The following SHTN1 variants were observed in gnomAD, a reference collection of about 807,000 sequenced individuals.
SHTN1 encodes the protein shootin-1.
In SHTN1, 42 loss-of-function variants were observed where a neutral mutation model predicts 83.1. The observed-to-expected ratio is 0.51, with a 90% CI of 0.39 to 0.65. The LOEUF is 0.65. Among genes scored for constraint, SHTN1 ranks in the 30% least tolerant of loss-of-function variants. The pLI, the probability that SHTN1 is intolerant of heterozygous loss-of-function variation, is 0.00. For missense variants in SHTN1, 622 were observed against 737.8 expected, an observed-to-expected ratio of 0.84 and a Z score of 1.82; for synonymous variants, 224 against 247.7, an observed-to-expected ratio of 0.90 and a Z score of 0.90.
chr10:116,938,626 G>C (rs533238719), intron 9 of SHTN1, among the ~76,000 whole-genome samples: 1 of 152,246 alleles, frequency 6.6e-6, no homozygotes, highest in Non-Finnish European at 1.5e-5. Context: ...GTGTCTCCCA[G>C]TCAGGAGGCA....
chr10:117,021,659 C>T (rs1852265919), intron 2 of SHTN1, among the ~76,000 whole-genome samples: 1 of 152,168 alleles, frequency 6.6e-6, no homozygotes, highest in African/African-American at 2.4e-5. Flanking sequence ...AGCAGTTTCA[C>T]TCCTATGTAT....
chr10:117,063,089 A>T (rs1852925798), intron 1 of SHTN1, among the ~76,000 whole-genome samples: 1 of 152,198 alleles, frequency 6.6e-6, no homozygotes. Context: ...TTTGCAATCT[A>T]TGGATTCTTT....
At chr10:117,043,910 TATAAA>T (rs1204107903) in intron 2 of SHTN1, among the ~76,000 whole-genome samples, 5 of 151,958 alleles carry the variant, frequency 3.3e-5, no homozygotes, top group Non-Finnish European at 5.9e-5. Flanking sequence ...GAAAATAAAA[TATAAA>T]ATGAGAATTG....
chr10:117,096,806 AG>A (rs1564958126), intron 1 of SHTN1, among the ~76,000 whole-genome samples: 1 of 152,180 alleles, frequency 6.6e-6, no homozygotes, highest in African/African-American at 2.4e-5. Flanking sequence ...CTGTTTTGGT[AG>A]CCTGACCTGG....
At chr10:117,052,801 C>T (rs541306466) in intron 1 of SHTN1, among the ~76,000 whole-genome samples, 68 of 151,500 alleles carry the variant, frequency 4.5e-4, no homozygotes, top group Admixed American at 4.2e-3. Flanking sequence ...AGGTGGATCA[C>T]GAGGCCAGGA....
At chr10:117,099,092 C>G (rs987434694) in intron 1 of SHTN1, among the ~76,000 whole-genome samples, 4 of 150,702 alleles carry the variant, frequency 2.7e-5, no homozygotes, top group African/African-American at 9.8e-5. Context: ...TTGAATAGAG[C>G]TGGAGGCCAT....
intron 3 of SHTN1, among the ~76,000 whole-genome samples, chr10:116,961,216 T>C (rs999547232): frequency 6.6e-6 from 1 of 152,154 alleles, no homozygotes; most frequent in African/African-American, 2.4e-5. Context: ...TTACTTTTGC[T>C]TCATTTAAGC....
intron 2 of SHTN1, among the ~76,000 whole-genome samples, chr10:116,975,832 CAT>C (rs1382495880): frequency 1.3e-5 from 2 of 152,244 alleles, no homozygotes; most frequent in Admixed American, 6.5e-5. Context: ...TATACAAACA[CAT>C]GTGAATGTTT....
intron 3 of SHTN1, among the ~76,000 whole-genome samples, chr10:116,968,413 T>C (rs1003762565): frequency 6.6e-6 from 1 of 152,258 alleles, no homozygotes; most frequent in Non-Finnish European, 1.5e-5. Context: ...CTTTTCTGTA[T>C]AGTTAAACTG....
At chr10:117,034,271 A>C (rs898192280) in intron 2 of SHTN1, among the ~76,000 whole-genome samples, 2 of 152,156 alleles carry the variant, frequency 1.3e-5, no homozygotes, top group African/African-American at 4.8e-5. Flanking sequence ...CTGTAATCTT[A>C]TATTTGGAGA....
chr10:116,901,308 T>C, intron 16 of SHTN1: 1 of 985,366 alleles, frequency 1.0e-6, no homozygotes, highest in Non-Finnish European at 1.2e-6. Context: ...GTTTTCATTT[T>C]CAGGATAGAG....
intron 13 of SHTN1, among the ~76,000 whole-genome samples, chr10:116,915,014 C>T (rs571877640): frequency 2.4e-4 from 37 of 152,260 alleles, no homozygotes; most frequent in Middle Eastern, 6.8e-3. Flanking sequence ...CTTTATCCCT[C>T]GTGCCTAAAA....
At chr10:117,106,925 G>GT (rs1174657353) in intron 1 of SHTN1, among the ~76,000 whole-genome samples, 3 of 152,036 alleles carry the variant, frequency 2.0e-5, no homozygotes, top group Non-Finnish European at 4.4e-5. Context: ...AAAAATAAGG[G>GT]TATCTATTTT....
At chr10:117,013,931 T>TA (rs1339558433) in intron 2 of SHTN1, among the ~76,000 whole-genome samples, 5 of 147,652 alleles carry the variant, frequency 3.4e-5, no homozygotes, top group Admixed American at 6.7e-5. Flanking sequence ...TATATATATA[T>TA]TTTTTTTCCA....
At chr10:117,108,310 A>G (rs1250121727) in intron 1 of SHTN1, among the ~76,000 whole-genome samples, 1 of 152,100 alleles carries the variant, frequency 6.6e-6, no homozygotes, top group Non-Finnish European at 1.5e-5. Flanking sequence ...ACCAACCCAA[A>G]TGTCCATCAA....
chr10:116,974,161 A>G, intron 2 of SHTN1: 1 of 1,040,788 alleles, frequency 9.6e-7, no homozygotes, highest in Non-Finnish European at 1.2e-6. Flanking sequence ...AATTCTAGGT[A>G]TTGTGTGTTA....
At chr10:116,893,576 G>GCA (rs6144113) in intron 16 of SHTN1, among the ~76,000 whole-genome samples, 12 of 123,592 alleles carry the variant, frequency 9.7e-5, no homozygotes, top group East Asian at 2.4e-4. Flanking sequence ...GCACTCATGT[G>GCA]CACACACACA....
intron 1 of SHTN1, among the ~76,000 whole-genome samples, chr10:117,108,473 C>A (rs373445769): frequency 6.7e-6 from 1 of 148,296 alleles, no homozygotes; most frequent in Admixed American, 6.9e-5. Flanking sequence ...AACCAAACAC[C>A]GCATGTTCTC....
intron 1 of SHTN1, among the ~76,000 whole-genome samples, chr10:116,999,686 G>A (rs1485643543): frequency 2.6e-5 from 4 of 152,156 alleles, no homozygotes; most frequent in African/African-American, 4.8e-5. Context: ...AGGCCTAGGC[G>A]GGTGGATCAC....
Sources: gnomAD v4.1 joint callset for allele counts (sites outside exome capture counted in the v4.1 genomes callset) on GRCh38, gnomAD v4.1.1 for gene constraint, MANE v1.5 for transcripts, NCBI Gene and HGNC (gene_info 2026-07-23, HGNC 2026-07-21) for gene names.